UQCC3: variants seen among roughly 807,000 people sequenced by gnomAD.
UQCC3 encodes ubiquinol-cytochrome c reductase complex assembly factor 3, also known as ubiquinol-cytochrome-c reductase complex assembly factor 3.
Under a neutral mutation model 3.4 loss-of-function variants are expected in UQCC3, and 3 were observed. The ratio of observed to expected loss-of-function variants is 0.88; its 90% CI spans 0.40 to 2.26. UQCC3 has a LOEUF of 2.26. Among genes scored for constraint, UQCC3 ranks in the 30% most tolerant of loss-of-function variants. UQCC3 has a pLI of 0.05. For synonymous variants in UQCC3, 57 were observed against 57.1 expected (o/e 1.00, Z 0.00); for missense variants, 141 against 123.0 (o/e 1.15, Z -0.69).
At position 62,671,674 on chromosome 11, in the gene UQCC3, G is replaced by A; in HGVS notation, c.-72G>A. The A allele has an allele frequency of 6.3e-7, 1 of 1,593,456 alleles. No homozygotes were observed. Among genetic ancestry groups the A allele is most frequent in the Non-Finnish European group, 8.5e-7 (1 of 1,171,052 alleles). On this transcript the variant is annotated 5_prime_UTR_variant, in exon 1 of 2. In the 5' UTR this introduces an upstream ATG that the reference lacks. Coordinates refer to ENST00000377953, the MANE Select transcript of UQCC3 (RefSeq NM_001085372.3). ...GCGCTCTAGCCTGCGCCAAGGGGTA[G>A]TGAGACCGCGCGGCAACAGCTTGCG...
rs199794771 is a variant in UQCC3 at position 62,671,975 on chromosome 11, G to A, written c.143G>A (p.Arg48Lys). The stretch of plus-strand genomic sequence containing the variant: ...CAGGAGATGCCACTGCAGGACCCAA[G>A]GAGCAGGGAGGAGGCGGCCAGGACC... ...MLKEMPLQDPRSREEAARTQQ... is the reference protein window; with the variant it reads ...MLKEMPLQDPKSREEAARTQQ... Residue 48 changes from arginine (R) to lysine (K), a missense_variant, in exon 2 of 2, where the codon AGG (arginine) becomes AAG (lysine). Coordinates refer to ENST00000377953, the MANE Select transcript of UQCC3 (RefSeq NM_001085372.3). 177 of 1,614,020 alleles carry A rather than the reference G, an allele frequency of 1.1e-4. No individual in the cohort carries two copies. Among genetic ancestry groups the A allele is most frequent in the Admixed American group, 9.0e-4 (54 of 60,014 alleles).
In UQCC3 at chr11:62,671,781, A is replaced by G. The variant is rs946315574; in HGVS notation, c.36A>G (p.Ala12=). Residue 12 remains alanine (A), a synonymous_variant, in exon 1 of 2, where the codon GCA becomes GCG. Transcript: ENST00000377953. The part of the protein sequence containing the change: ...DSLRKMLISV[A]MLGAGAGVGY... The stretch of plus-strand genomic sequence containing the variant: ...TGCGGAAAATGCTGATCTCAGTCGC[A>G]ATGCTGGGCGCAGGGGCTGGCGTGG... 4 of 1,613,974 alleles carry G rather than the reference A, an allele frequency of 2.5e-6. No individual in the cohort carries two copies. The highest frequency in any genetic ancestry group is 3.4e-6 in the Non-Finnish European group (4 of 1,180,004).
chr11:62,671,798 C>T lies in UQCC3; in HGVS notation c.53C>T (p.Ala18Val), dbSNP rs1246523983. 6.2e-7 allele frequency: 1 copy of T among 1,614,120 alleles called. No individual in the cohort carries two copies. Among genetic ancestry groups the T allele is most frequent in the Admixed American group, 1.7e-5 (1 of 60,002 alleles). Residue 18 changes from alanine to valine, a missense_variant, in exon 1 of 2, where the codon GCT (alanine) becomes GTT (valine). Transcript: ENST00000377953. The stretch of plus-strand genomic sequence containing the variant: ...TCAGTCGCAATGCTGGGCGCAGGGG[C>T]TGGCGTGGGCTACGCGCTCCTCGTT... ...LISVAMLGAG[A>V]GVGYALLVIV...
Position 62,672,439 on chromosome 11 carries a change from C to T in UQCC3, c.*325C>T, listed in dbSNP as rs1590856025. On this transcript the variant is annotated 3_prime_UTR_variant, in exon 2 of 2. Coordinates refer to ENST00000377953, the MANE Select transcript of UQCC3 (RefSeq NM_001085372.3). ...AGACGCGTGGTCGGTGCTGGGGGCG[C>T]GGCCTGGAGCTGCTGCCTGTCCCAC... is the stretch of plus-strand genomic sequence containing the variant. 5 of 322,168 alleles carry T rather than the reference C, an allele frequency of 1.6e-5. No homozygotes were observed. The East Asian group carries it at 3.0e-4, about 19-fold the overall frequency. 20.0% of individuals were successfully genotyped at this position (322,168 alleles called of 1,614,324 possible).
Position 62,673,645 on chromosome 11 carries a change from TTAA to T in UQCC3, c.*1532_*1534del, listed in dbSNP as rs1944977952. ...GCAATTGAAAAAAAGGCTGCTGTTA[TTAA>T]AGTCAGAACACCAAATAAAGCTTTT... On this transcript the variant is annotated 3_prime_UTR_variant, in exon 2 of 2. Transcript: ENST00000377953. The T allele has an allele frequency of 6.7e-6, 1 of 150,152 alleles. No individual in the cohort carries two copies. Among genetic ancestry groups the T allele is most frequent in the Non-Finnish European group, 1.5e-5 (1 of 67,858 alleles). 9.3% of individuals were successfully genotyped at this position (150,152 alleles called of 1,614,324 possible). A position where few individuals can be genotyped will look rare whatever the true frequency, so the allele number is the denominator to read the frequency against.
chr11:62,671,989 G>A lies in UQCC3; in HGVS notation c.157G>A (p.Ala53Thr). 6.2e-7 allele frequency: 1 copy of A among 1,613,972 alleles called. No individual in the cohort carries two copies. Among genetic ancestry groups the A allele is most frequent in the South Asian group, 1.1e-5 (1 of 91,080 alleles). ...PLQDPRSREEAARTQQLLLAT... is the reference protein window; with the variant it reads ...PLQDPRSREETARTQQLLLAT... Reference sequence around the variant, plus strand: ...GCAGGACCCAAGGAGCAGGGAGGAGGCGGCCAGGACCCAGCAGCTATTGCT... The same window carrying A: ...GCAGGACCCAAGGAGCAGGGAGGAGACGGCCAGGACCCAGCAGCTATTGCT... The change falls in exon 2 of 2, where the codon GCG becomes ACG. Residue 53 changes from alanine (A) to threonine (T), a missense_variant. Physicochemically the swap from Ala to Thr is moderately conservative, Grantham distance 58. Transcript: ENST00000377953.
chr11:62,672,384 G>GC lies in UQCC3; in HGVS notation c.*273dup. On this transcript the variant is annotated 3_prime_UTR_variant, in exon 2 of 2. Transcript: ENST00000377953. ...AATCATGTTCCTCCACCCAGAATGA[G>GC]CCCTGCAGTCGACACCTACCAATGC... The GC allele has an allele frequency of 2.0e-6, 1 of 508,490 alleles. No homozygotes were observed. Among genetic ancestry groups the GC allele is most frequent in the Non-Finnish European group, 3.6e-6 (1 of 281,020 alleles). 31.5% of individuals were successfully genotyped at this position (508,490 alleles called of 1,614,324 possible).
chr11:62,671,979 C>A lies in UQCC3; in HGVS notation c.147C>A (p.Ser49Arg). Reference protein sequence around the residue: ...LKEMPLQDPRSREEAARTQQL... With the variant: ...LKEMPLQDPRRREEAARTQQL... Reference sequence around the variant, plus strand: ...AGATGCCACTGCAGGACCCAAGGAGCAGGGAGGAGGCGGCCAGGACCCAGC... The same window carrying A: ...AGATGCCACTGCAGGACCCAAGGAGAAGGGAGGAGGCGGCCAGGACCCAGC... The change falls in exon 2 of 2, where the codon AGC becomes AGA. Residue 49 changes from serine to arginine, a missense_variant. Transcript: ENST00000377953. The A allele has an allele frequency of 6.2e-7, 1 of 1,614,026 alleles. No homozygotes were observed. Among genetic ancestry groups the A allele is most frequent in the African/African-American group, 1.3e-5 (1 of 75,074 alleles).
At chr11:62,671,892 A>T (rs2134659800) in intron 1 of UQCC3, 27 bp downstream of exon 1, 8 of 1,604,940 alleles carry the variant, frequency 5.0e-6, no homozygotes, top group Non-Finnish European at 6.8e-6. Context: ...GTCCCGAGGA[A>T]GGGTGGGCGG....
Sources: allele counts gnomAD v4.1 joint callset, GRCh38; gene constraint gnomAD v4.1.1; transcripts MANE v1.5; gene names NCBI Gene and HGNC (gene_info 2026-07-23, HGNC 2026-07-21).